Variants in TMEM131 observed in about 807,000 individuals in gnomAD.
The protein encoded by TMEM131 is 2610524E03Rik.
Under a neutral mutation model 211.6 loss-of-function variants are expected in TMEM131, and 66 were observed. That is an observed-to-expected ratio of 0.31 (90% CI 0.26 to 0.38). The LOEUF is 0.38. TMEM131 is among the 10% of genes least tolerant of loss of function. The probability of loss-of-function intolerance (pLI) is 1.00; values close to 1 mark genes in which losing one functional copy is unlikely to be tolerated. For synonymous variants in TMEM131, 844 were observed against 841.3 expected (o/e 1.00, Z -0.06); for missense variants, 2,036 against 2,299.3 (o/e 0.89, Z 2.34).
chr2:97,822,013 C>T (rs976678190), intron 11 of TMEM131, among the ~76,000 whole-genome samples: 6 of 152,144 alleles, frequency 3.9e-5, no homozygotes, highest in East Asian at 3.8e-4. Flanking sequence ...GTTGCCCAAG[C>T]GAGACTTGCC....
At chr2:97,776,132 C>A (rs542186527) in intron 31 of TMEM131, 114 bp from the exon 32 acceptor site, 2 of 1,033,964 alleles carry the variant, frequency 1.9e-6, no homozygotes. Context: ...TGGCTCACTG[C>A]AAGCTCCGCC....
At chr2:97,981,083 A>AAGGTAGCT (rs1303957325) in intron 1 of TMEM131, among the ~76,000 whole-genome samples, 1 of 141,662 alleles carries the variant, frequency 7.1e-6, no homozygotes. Context: ...AAAATCTGTT[A>AAGGTAGCT]AGGTAGCTAT....
In TMEM131 at chr2:97,888,096, G is replaced by C. The variant is rs1675233299; in HGVS notation, c.315C>G (p.Cys105Trp). Residue 105 changes from cysteine (C) to tryptophan (W), a missense_variant, in exon 4 of 41, where the codon TGC (cysteine) becomes TGG (tryptophan). By Grantham distance (215) the Cys-to-Trp change is radical. This residue lies in a region of TMEM131 where 277 missense variants were observed against 378.0 expected (regional missense o/e 0.73). Transcript: ENST00000186436. ...TTGGTGGCTCAAATCGTATGGGCCTGCAATTCCCCCGGTAGAGAGATATAC... is the reference window on the plus strand; with the variant it reads ...TTGGTGGCTCAAATCGTATGGGCCTCCAATTCCCCCGGTAGAGAGATATAC... ...QKSISLYRGN[C>W]RPIRFEPPML... The C allele has an allele frequency of 1.2e-6, 2 of 1,613,414 alleles. No individual in the cohort carries two copies. The highest frequency in any genetic ancestry group is 1.3e-5 in the African/African-American group (1 of 74,906).
intron 1 of TMEM131, among the ~76,000 whole-genome samples, chr2:97,974,662 T>G (rs1395015050): frequency 6.6e-6 from 1 of 151,480 alleles, no homozygotes; most frequent in Non-Finnish European, 1.5e-5. Flanking sequence ...AAATTTCTTC[T>G]GGAAAACAAT....
At chr2:97,911,995 CTAAA>C (rs1676310340) in intron 2 of TMEM131, among the ~76,000 whole-genome samples, 1 of 152,028 alleles carries the variant, frequency 6.6e-6, no homozygotes, top group African/African-American at 2.4e-5. Flanking sequence ...TACAGTGAGA[CTAAA>C]TAAGATAAAC....
intron 29 of TMEM131, among the ~76,000 whole-genome samples, 187 bp downstream of exon 29, chr2:97,794,741 ATT>A (rs1680680104): frequency 6.6e-6 from 1 of 152,222 alleles, no homozygotes; most frequent in African/African-American, 2.4e-5. Flanking sequence ...AACACTGTTT[ATT>A]ATATATGCCA....
chr2:97,883,530 ATTTC>A (rs994426775), intron 4 of TMEM131, among the ~76,000 whole-genome samples: 7 of 151,986 alleles, frequency 4.6e-5, no homozygotes, highest in African/African-American at 1.7e-4. Flanking sequence ...TGATTCTTTT[ATTTC>A]TTTAAGTTGC....
At chr2:97,760,123 T>C in intron 38 of TMEM131, 1 of 246,680 alleles carries the variant, frequency 4.1e-6, no homozygotes, top group Non-Finnish European at 7.9e-6. Flanking sequence ...GTTGCTTATC[T>C]GGAAAAGTCA....
Position 97,775,925 on chromosome 2 carries a change from A to C in TMEM131, c.4238T>G (p.Leu1413Arg). The stretch of plus-strand genomic sequence containing the variant: ...ATCATCATCAGCCAAAGAGTCCTTC[A>C]GCTCATCTTCCTGTGGCTTTCCCTT... The part of the protein sequence containing the change: ...KGKGKPQEDE[L>R]KDSLADDDSS... Residue 1413 changes from leucine (L) to arginine (R), a missense_variant, in exon 32 of 41, where the codon CTG becomes CGG. Transcript: ENST00000186436. 1.2e-6 allele frequency: 2 copies of C among 1,613,988 alleles called. No homozygotes were observed. Among genetic ancestry groups the C allele is most frequent in the Non-Finnish European group, 1.7e-6 (2 of 1,179,890 alleles).
Position 97,766,461 on chromosome 2 carries a change from G to A in TMEM131, c.4573+17C>T. On this transcript the variant is annotated intron_variant, in intron 34 of 40. Transcript: ENST00000186436. Reference sequence around the variant, plus strand: ...AAGATCCGTAAGACATGATCATAGAGAACAAGATGACAATACCTTTTGTTT... The same window carrying A: ...AAGATCCGTAAGACATGATCATAGAAAACAAGATGACAATACCTTTTGTTT... 1 of 1,613,854 alleles carries A rather than the reference G, an allele frequency of 6.2e-7. No individual in the cohort carries two copies. The highest frequency in any genetic ancestry group is 8.5e-7 in the Non-Finnish European group (1 of 1,179,862).
chr2:97,864,499 T>G (rs1036280169), intron 4 of TMEM131, among the ~76,000 whole-genome samples: 8 of 152,134 alleles, frequency 5.3e-5, no homozygotes, highest in African/African-American at 1.9e-4. Flanking sequence ...TCCATAAATA[T>G]ATATATCTAC....
intron 4 of TMEM131, among the ~76,000 whole-genome samples, chr2:97,879,536 G>A (rs1674836158): frequency 6.6e-6 from 1 of 152,152 alleles, no homozygotes; most frequent in Admixed American, 6.5e-5. Flanking sequence ...CTGTAGTTAT[G>A]CAGAATGTCC....
chr2:97,798,911 T>C (rs1680895229), intron 25 of TMEM131, among the ~76,000 whole-genome samples: 1 of 152,202 alleles, frequency 6.6e-6, no homozygotes, highest in Non-Finnish European at 1.5e-5. Context: ...ACTATACATA[T>C]ATTCCCAGCA....
At chr2:97,815,834 A>C (rs1373476129) in intron 12 of TMEM131, among the ~76,000 whole-genome samples, 1 of 152,146 alleles carries the variant, frequency 6.6e-6, no homozygotes, top group Non-Finnish European at 1.5e-5. Flanking sequence ...TTACACTTGA[A>C]CTGAGAAAGA....
At chr2:97,878,233 C>A (rs1413697395) in intron 4 of TMEM131, among the ~76,000 whole-genome samples, 1 of 152,150 alleles carries the variant, frequency 6.6e-6, no homozygotes, top group Non-Finnish European at 1.5e-5. Flanking sequence ...GAAACAGGAA[C>A]GCTTTTACAC....
chr2:97,908,748 A>G, intron 2 of TMEM131, 50 bp from the exon 3 acceptor site: 1 of 1,460,400 alleles, frequency 6.8e-7, no homozygotes, highest in Non-Finnish European at 9.5e-7. Context: ...AAATATTTAT[A>G]TTACAGACAT....
intron 11 of TMEM131, among the ~76,000 whole-genome samples, chr2:97,829,540 A>T (rs1682559903): frequency 6.6e-6 from 1 of 152,190 alleles, no homozygotes; most frequent in Non-Finnish European, 1.5e-5. Flanking sequence ...TGTAAAATGG[A>T]CGAATCAGCA....
intron 1 of TMEM131, among the ~76,000 whole-genome samples, chr2:97,931,618 T>C (rs780791014): frequency 6.6e-6 from 1 of 152,138 alleles, no homozygotes; most frequent in Non-Finnish European, 1.5e-5. Context: ...TGGGGGGTGG[T>C]ATCAGGCATT....
At chr2:97,974,672 T>C (rs1192380342) in intron 1 of TMEM131, among the ~76,000 whole-genome samples, 2 of 150,430 alleles carry the variant, frequency 1.3e-5, no homozygotes, top group African/African-American at 2.4e-5. Context: ...TGGAAAACAA[T>C]GCAAGTGGGA....
Sources: allele counts gnomAD v4.1 joint callset (sites outside exome capture counted in the v4.1 genomes callset), GRCh38; gene constraint gnomAD v4.1.1; regional missense constraint gnomAD v4.1.1; transcripts MANE v1.5; gene names NCBI Gene and HGNC (gene_info 2026-07-23, HGNC 2026-07-21).